Variants in PPM1H observed in about 807,000 individuals in gnomAD.
The protein encoded by PPM1H is protein phosphatase, Mg2+/Mn2+ dependent 1H.
In PPM1H, 27 loss-of-function variants were observed where a neutral mutation model predicts 54.9. That is an observed-to-expected ratio of 0.49 (90% CI 0.36 to 0.68). The LOEUF is 0.68. Among genes scored for constraint, PPM1H ranks in the 30% least tolerant of loss-of-function variants. PPM1H has a pLI of 0.00. For missense variants in PPM1H, 596 were observed against 667.8 expected (o/e 0.89, Z 1.19); for synonymous variants, 305 against 270.8 (o/e 1.13, Z -1.24).
chr12:62,808,956 A>G (rs1362464005), intron 2 of PPM1H, among the ~76,000 whole-genome samples: 3 of 152,336 alleles, frequency 2.0e-5, no homozygotes, highest in East Asian at 3.9e-4. Flanking sequence ...AAAGAACTAT[A>G]TGAGGCCAGA....
intron 1 of PPM1H, among the ~76,000 whole-genome samples, chr12:62,922,005 A>C (rs1871814612): frequency 6.6e-6 from 1 of 152,200 alleles, no homozygotes; most frequent in South Asian, 2.1e-4. Flanking sequence ...TCACTACATA[A>C]AATGTACAGA....
At chr12:62,786,561 G>A (rs1030811902) in intron 4 of PPM1H, among the ~76,000 whole-genome samples, 3 of 152,206 alleles carry the variant, frequency 2.0e-5, no homozygotes, top group African/African-American at 7.2e-5. Flanking sequence ...CCTGCCCAGT[G>A]GTCCCTCATT....
chr12:62,718,652 G>T (rs2076248111), intron 6 of PPM1H, among the ~76,000 whole-genome samples: 1 of 152,090 alleles, frequency 6.6e-6, no homozygotes, highest in South Asian at 2.1e-4. Flanking sequence ...AACCATGTGG[G>T]TTCCTAACGT....
chr12:62,857,276 C>A (rs1471937971), intron 1 of PPM1H, among the ~76,000 whole-genome samples: 1 of 152,074 alleles, frequency 6.6e-6, no homozygotes, highest in Non-Finnish European at 1.5e-5. Flanking sequence ...CTGTTTTGGC[C>A]AGTTAAATAT....
At chr12:62,804,777 G>A (rs1203192116) in intron 2 of PPM1H, among the ~76,000 whole-genome samples, 3 of 143,198 alleles carry the variant, frequency 2.1e-5, no homozygotes, top group African/African-American at 7.9e-5. Flanking sequence ...CCAGGTTCAC[G>A]CCATTCTCCT....
intron 4 of PPM1H, chr12:62,755,758 A>C: frequency 1.1e-6 from 1 of 913,178 alleles, no homozygotes; most frequent in Non-Finnish European, 1.7e-6. Context: ...GAATGACCAC[A>C]GTCCATGCCA....
intron 4 of PPM1H, among the ~76,000 whole-genome samples, chr12:62,751,346 A>G (rs908963921): frequency 1.3e-5 from 2 of 152,232 alleles, no homozygotes; most frequent in African/African-American, 4.8e-5. Flanking sequence ...GGTGGAAAAT[A>G]GAAGCTTTGA....
intron 1 of PPM1H, among the ~76,000 whole-genome samples, chr12:62,907,207 C>T (rs1396630788): frequency 6.6e-6 from 1 of 152,212 alleles, no homozygotes; most frequent in African/African-American, 2.4e-5. Flanking sequence ...TAAATGCTCA[C>T]TCATGGGAGA....
In PPM1H at chr12:62,934,871, C is replaced by A. The variant is rs868212302; in HGVS notation, c.-135G>T. On this transcript the variant is annotated 5_prime_UTR_variant, in exon 1 of 10. Coordinates refer to ENST00000228705, the MANE Select transcript of PPM1H (RefSeq NM_020700.2). This position sits in a 1 kb window ranked among gnomAD's most constrained non-coding sequence, Gnocchi z 4.2. ...GGCCACTGGGACGCGCCGCGCGCGG[C>A]TCCCAGAGCCTAGTGCTGCAGGGGG... is the stretch of plus-strand genomic sequence containing the variant. 9 of 875,274 alleles carry A rather than the reference C, an allele frequency of 1.0e-5. No individual in the cohort carries two copies. The South Asian group carries it at 4.1e-4, about 39-fold the overall frequency. 54.2% of individuals were successfully genotyped at this position (875,274 alleles called of 1,614,324 possible).
intron 9 of PPM1H, 28 bp from the exon 10 acceptor site, chr12:62,648,664 G>A: frequency 1.2e-6 from 2 of 1,611,460 alleles, no homozygotes; most frequent in Non-Finnish European, 1.7e-6. Context: ...GAACGAGACA[G>A]TCAGTAGAGC....
At chr12:62,736,701 G>A (rs1055422514) in intron 5 of PPM1H, among the ~76,000 whole-genome samples, 1 of 152,218 alleles carries the variant, frequency 6.6e-6, no homozygotes, top group Admixed American at 6.5e-5. Flanking sequence ...CCTAAGAGCA[G>A]ATGGGCACTA....
chr12:62,738,251 G>A (rs571602993), intron 4 of PPM1H, among the ~76,000 whole-genome samples: 4 of 152,070 alleles, frequency 2.6e-5, no homozygotes, highest in Admixed American at 2.6e-4. Context: ...TGAGATTACT[G>A]CATCAAAATC....
In PPM1H at chr12:62,778,005, G is replaced by A. The variant is rs1031684486; in HGVS notation, c.869+10221C>T. Among the ~76,000 whole-genome samples the A allele has an allele frequency of 2.6e-4, 39 of 152,280 alleles. 1 individual carries two copies. The highest frequency in any genetic ancestry group is 7.9e-4 in the African/African-American group (33 of 41,560). ...AAAAATTAGCTTGGCATGGTGGCAC[G>A]CACCTGTAATCCTAGCTACTCAGAA... On this transcript the variant is annotated intron_variant, in intron 4 of 9. Transcript: ENST00000228705.
chr12:62,750,994 A>C (rs902075116), intron 4 of PPM1H, among the ~76,000 whole-genome samples: 1 of 152,248 alleles, frequency 6.6e-6, no homozygotes, highest in Admixed American at 6.5e-5. Context: ...GTATACAACC[A>C]TTTGTTAAGT....
At chr12:62,689,162 A>G (rs2076070214) in intron 8 of PPM1H, among the ~76,000 whole-genome samples, 1 of 152,224 alleles carries the variant, frequency 6.6e-6, no homozygotes, top group African/African-American at 2.4e-5. Context: ...TAAACTCCAG[A>G]GAAAAAAAGA....
chr12:62,926,185 C>T (rs1871966354), intron 1 of PPM1H, among the ~76,000 whole-genome samples: 1 of 152,194 alleles, frequency 6.6e-6, no homozygotes, highest in Admixed American at 6.5e-5. Context: ...ATGGAGAAGT[C>T]ACCCGTGCCC....
At chr12:62,895,837 A>G in intron 1 of PPM1H, among the ~76,000 whole-genome samples, 1 of 152,204 alleles carries the variant, frequency 6.6e-6, no homozygotes, top group East Asian at 1.9e-4. Flanking sequence ...GAAGTGGAGC[A>G]GGTGCTGGAG....
At chr12:62,660,051 T>C (rs1036273760) in intron 9 of PPM1H, among the ~76,000 whole-genome samples, 6 of 152,204 alleles carry the variant, frequency 3.9e-5, no homozygotes, top group African/African-American at 7.2e-5. Flanking sequence ...TCTGGAATTA[T>C]AGTGGGCCTT....
chr12:62,701,288 A>C (rs2076142510), intron 6 of PPM1H, among the ~76,000 whole-genome samples: 1 of 152,186 alleles, frequency 6.6e-6, no homozygotes, highest in Admixed American at 6.5e-5. Context: ...CCTTTGCCCT[A>C]GTGGGCTAGG....
Sources: allele counts gnomAD v4.1 joint callset (sites outside exome capture counted in the v4.1 genomes callset), GRCh38; gene constraint gnomAD v4.1.1; non-coding constraint Gnocchi (gnomAD v3.1); transcripts MANE v1.5; gene names NCBI Gene and HGNC (gene_info 2026-07-23, HGNC 2026-07-21).